Variants in PRKCE observed in about 807,000 individuals in gnomAD.
The protein encoded by PRKCE is protein kinase C epsilon.
Under a neutral mutation model 85.4 loss-of-function variants are expected in PRKCE, and 16 were observed. The ratio of observed to expected loss-of-function variants is 0.19; its 90% CI spans 0.13 to 0.28. PRKCE has a LOEUF of 0.28. PRKCE is among the 10% of genes least tolerant of loss of function. PRKCE has a pLI of 1.00. For missense variants in PRKCE, 573 were observed against 975.2 expected, an observed-to-expected ratio of 0.59 and a Z score of 5.49; for synonymous variants, 388 against 371.5, an observed-to-expected ratio of 1.04 and a Z score of -0.51.
chr2:45,955,226 A>G (rs1214146373), intron 2 of PRKCE, among the ~76,000 whole-genome samples: 1 of 152,204 alleles, frequency 6.6e-6, no homozygotes, highest in Non-Finnish European at 1.5e-5. Flanking sequence ...TCATGGAGGA[A>G]TTAGATCTCA....
chr2:46,065,772 C>T (rs1439007373), intron 10 of PRKCE, among the ~76,000 whole-genome samples: 1 of 151,992 alleles, frequency 6.6e-6, no homozygotes, highest in Non-Finnish European at 1.5e-5. Flanking sequence ...ATTTCCAAGC[C>T]ATAAATGATC....
Position 46,103,844 on chromosome 2 carries a change from G to A in PRKCE, c.1592+17482G>A, listed in dbSNP as rs187675004. 2.0e-5 allele frequency among the ~76,000 whole-genome samples: 3 copies of A among 152,252 alleles called. No individual in the cohort carries two copies. The East Asian group carries it at 5.8e-4, about 29-fold the overall frequency. On this transcript the variant is annotated intron_variant, in intron 11 of 14. Coordinates refer to ENST00000306156, the MANE Select transcript of PRKCE (RefSeq NM_005400.3). The stretch of plus-strand genomic sequence containing the variant: ...TTTTCATTCTTATCTCCACATTTGA[G>A]TAGGCTGAGGAGGAGGAAGAAGATG...
At chr2:45,803,568 G>A (rs2105205481) in intron 1 of PRKCE, among the ~76,000 whole-genome samples, 1 of 152,296 alleles carries the variant, frequency 6.6e-6, no homozygotes, top group Non-Finnish European at 1.5e-5. Flanking sequence ...AGTTAGGGGA[G>A]TGGTCACGAG....
At chr2:45,944,013 A>G (rs534509317) in intron 2 of PRKCE, among the ~76,000 whole-genome samples, 4 of 152,344 alleles carry the variant, frequency 2.6e-5, no homozygotes, top group African/African-American at 9.6e-5. Flanking sequence ...AGGCAGATAG[A>G]TGGTGGGGGC....
intron 11 of PRKCE, among the ~76,000 whole-genome samples, chr2:46,096,835 C>T (rs939607651): frequency 6.6e-6 from 1 of 152,186 alleles, no homozygotes; most frequent in Non-Finnish European, 1.5e-5. Flanking sequence ...CTCTCTGAGC[C>T]ACAGTTTCCT....
intron 2 of PRKCE, among the ~76,000 whole-genome samples, chr2:45,931,628 C>T (rs557558230): frequency 7.7e-4 from 117 of 152,298 alleles, no homozygotes; most frequent in African/African-American, 2.7e-3. Context: ...TGCAATGCTG[C>T]GTATGACTGA....
At chr2:45,738,684 C>G (rs1682290396) in intron 1 of PRKCE, among the ~76,000 whole-genome samples, 1 of 152,118 alleles carries the variant, frequency 6.6e-6, no homozygotes, top group Non-Finnish European at 1.5e-5. Context: ...CTATGAGGGC[C>G]TAAGGTGTGA....
At chr2:45,897,721 A>G (rs1696257696) in intron 2 of PRKCE, among the ~76,000 whole-genome samples, 2 of 152,218 alleles carry the variant, frequency 1.3e-5, no homozygotes, top group Non-Finnish European at 2.9e-5. Context: ...AGTCAAGGTC[A>G]GTGTGGGGGG....
chr2:46,132,056 G>A (rs771336145), intron 11 of PRKCE, among the ~76,000 whole-genome samples: 2 of 152,088 alleles, frequency 1.3e-5, no homozygotes, highest in Non-Finnish European at 2.9e-5. Flanking sequence ...GTAAGGGCAC[G>A]TGACTTTATC....
In PRKCE at chr2:46,097,519, C is replaced by CA. The variant is rs66634467; in HGVS notation, c.1592+11175dup. Reference sequence around the variant, plus strand: ...TGGGAGACAGAGCGAGACTCCGTCTCAAAAAAAAAAAAAAAAAAGCTGTGA... The same window carrying CA: ...TGGGAGACAGAGCGAGACTCCGTCTCAAAAAAAAAAAAAAAAAAAGCTGTGA... On this transcript the variant is annotated intron_variant, in intron 11 of 14. Coordinates refer to ENST00000306156, the MANE Select transcript of PRKCE (RefSeq NM_005400.3). Among the ~76,000 whole-genome samples, 529 of 94,032 alleles carry CA rather than the reference C, an allele frequency of 5.6e-3. 11 individuals are homozygous for CA. The highest frequency in any genetic ancestry group is 0.021 in the East Asian group (73 of 3,510). 61.7% of individuals were successfully genotyped at this position (94,032 alleles called of 152,430 possible). A position where few individuals can be genotyped will look rare whatever the true frequency, so the allele number is the denominator to read the frequency against.
At chr2:46,086,472 G>C (rs559469202) in intron 11 of PRKCE, 110 bp downstream of exon 11, 1 of 1,314,438 alleles carries the variant, frequency 7.6e-7, no homozygotes, top group East Asian at 2.4e-5. Context: ...ACCTGCTTTA[G>C]ATTAGTTGTT....
chr2:45,995,324 C>T (rs1704128138), intron 6 of PRKCE, among the ~76,000 whole-genome samples: 1 of 151,808 alleles, frequency 6.6e-6, no homozygotes, highest in Non-Finnish European at 1.5e-5. Context: ...AGGTGGGGGA[C>T]AGAGCAAAAG....
At chr2:46,146,042 G>C (rs1261371569) in intron 12 of PRKCE, among the ~76,000 whole-genome samples, 2 of 152,206 alleles carry the variant, frequency 1.3e-5, no homozygotes, top group Non-Finnish European at 2.9e-5. Context: ...AGAGGAGAGT[G>C]ACTGTGCCTC....
At chr2:46,018,877 C>T (rs1007725622) in intron 10 of PRKCE, among the ~76,000 whole-genome samples, 3 of 152,228 alleles carry the variant, frequency 2.0e-5, no homozygotes, top group African/African-American at 7.2e-5. Context: ...AGACATTCTG[C>T]ATCGGGGGTT....
chr2:45,862,573 G>A lies in PRKCE; in HGVS notation c.412+19510G>A, dbSNP rs372984838. 1.1e-3 allele frequency among the ~76,000 whole-genome samples: 165 copies of A among 152,282 alleles called. 2 individuals are homozygous for A. The highest frequency in any genetic ancestry group is 3.7e-3 in the African/African-American group (154 of 41,554). On this transcript the variant is annotated intron_variant, in intron 2 of 14. Coordinates refer to ENST00000306156, the MANE Select transcript of PRKCE (RefSeq NM_005400.3). ...CAGAGGGGTAGGGGATTCTTTGGCT[G>A]GATCTTCTGGTTTTCTGTGTCCCTG...
intron 10 of PRKCE, among the ~76,000 whole-genome samples, chr2:46,064,460 T>C (rs1667439509): frequency 6.6e-6 from 1 of 152,186 alleles, no homozygotes; most frequent in Admixed American, 6.5e-5. Flanking sequence ...CACTAATGGT[T>C]TCTTTAATAA....
intron 1 of PRKCE, chr2:45,677,073 A>C (rs948210196): frequency 6.6e-6 from 1 of 152,068 alleles, no homozygotes; most frequent in African/African-American, 2.4e-5. Flanking sequence ...AGAGACCTGA[A>C]AGGAGAAACT....
At chr2:45,760,366 G>A (rs1490073392) in intron 1 of PRKCE, among the ~76,000 whole-genome samples, 2 of 152,162 alleles carry the variant, frequency 1.3e-5, no homozygotes, top group Non-Finnish European at 2.9e-5. Flanking sequence ...ATGAAAACCA[G>A]GTGAATCGCA....
chr2:46,159,818 G>A lies in PRKCE; in HGVS notation c.2067+66G>A, dbSNP rs868590777. 1.0e-5 allele frequency: 16 copies of A among 1,576,252 alleles called. No homozygotes were observed. The highest frequency in any genetic ancestry group is 1.9e-4 in the Middle Eastern group (1 of 5,392). The stretch of plus-strand genomic sequence containing the variant: ...CCCAGGTACTTGCAGGACAGGCTGC[G>A]TGCACCCAGGAAGAGTTGGTCAGGG... On this transcript the variant is annotated intron_variant, in intron 14 of 14. Transcript: ENST00000306156. The surrounding 1 kb of genome is among the most constrained non-coding windows in gnomAD (Gnocchi z 4.1).
Sources: allele counts gnomAD v4.1 joint callset (sites outside exome capture counted in the v4.1 genomes callset), GRCh38; gene constraint gnomAD v4.1.1; non-coding constraint Gnocchi (gnomAD v3.1); transcripts MANE v1.5; gene names NCBI Gene and HGNC (gene_info 2026-07-23, HGNC 2026-07-21).